The following MME variants were observed in gnomAD, a reference collection of about 807,000 sequenced individuals.
MME encodes membrane metalloendopeptidase.
In MME, 98 loss-of-function variants were observed where a neutral mutation model predicts 113.2. The observed-to-expected ratio is 0.87, with a 90% confidence interval of 0.74 to 1.02. The LOEUF (loss-of-function observed/expected upper bound fraction) is 1.02. Ranked by LOEUF, MME falls within the 50% of genes least tolerant of loss-of-function variation. The pLI is 0.00. For missense variants in MME, 836 were observed against 896.0 expected (o/e 0.93, Z 0.86); for synonymous variants, 292 against 300.6 (o/e 0.97, Z 0.30).
At chr3:155,094,977 A>G (rs1716615990) in intron 3 of MME, among the ~76,000 whole-genome samples, 1 of 152,246 alleles carries the variant, frequency 6.6e-6, no homozygotes, top group Admixed American at 6.5e-5. Context: ...GCTCCGCCTC[A>G]GACCTACTGA....
chr3:155,123,424 A>G (rs1163113949), intron 8 of MME, among the ~76,000 whole-genome samples: 4 of 87,256 alleles, frequency 4.6e-5, no homozygotes, highest in Admixed American at 1.3e-4. Context: ...TTACATTTAA[A>G]GTTAATATTG....
chr3:155,032,396 AAAGAC>A (rs1713000654), intron 1 of MME, among the ~76,000 whole-genome samples: 1 of 152,252 alleles, frequency 6.6e-6, no homozygotes, highest in Non-Finnish European at 1.5e-5. Flanking sequence ...CTCTAACAAG[AAAGAC>A]ATTCAAAACC....
At chr3:155,052,812 C>A (rs1713805656) in intron 1 of MME, among the ~76,000 whole-genome samples, 1 of 152,226 alleles carries the variant, frequency 6.6e-6, no homozygotes, top group South Asian at 2.1e-4. Flanking sequence ...ATTTCTCCCC[C>A]AGAAAATGGG....
upstream of MME, among the ~76,000 whole-genome samples, chr3:155,075,908 T>A (rs1002097802): frequency 6.6e-6 from 1 of 152,222 alleles, no homozygotes; most frequent in African/African-American, 2.4e-5. Context: ...ATCTTTTTTA[T>A]CACCATTCTT....
chr3:155,180,727 G>A lies in MME; in HGVS notation c.*268G>A, dbSNP rs201784613. ...AAAGATAATATTACTGTTTATTTCT[G>A]TTTCTCATATGGTCTACCAGTTTGC... On this transcript the variant is annotated 3_prime_UTR_variant, in exon 23 of 23. Transcript: ENST00000360490. 8 of 404,976 alleles carry A rather than the reference G, an allele frequency of 2.0e-5. No individual in the cohort carries two copies. Among genetic ancestry groups the A allele is most frequent in the Non-Finnish European group, 3.7e-5 (8 of 214,782 alleles). 25.1% of individuals were successfully genotyped at this position (404,976 alleles called of 1,614,324 possible).
intron 3 of MME, chr3:155,090,468 A>G (rs961590374): frequency 1.3e-5 from 2 of 152,180 alleles, no homozygotes; most frequent in African/African-American, 4.8e-5. Context: ...GACAAAGATT[A>G]ATAACAATAA....
rs576305566 is a variant in MME at position 155,167,564 on chromosome 3, G to A, written c.1780+543G>A. Among the ~76,000 whole-genome samples the A allele has an allele frequency of 3.2e-4, 49 of 151,984 alleles. No homozygotes were observed. The South Asian group carries it at 9.7e-3, about 30-fold the overall frequency. ...TTCAATCAAAGCTGAATTCCTGAGAGGAATAAAGACGTGAAATATGTAAAG... is the reference window on the plus strand; with the variant it reads ...TTCAATCAAAGCTGAATTCCTGAGAAGAATAAAGACGTGAAATATGTAAAG... On this transcript the variant is annotated intron_variant, in intron 18 of 22. Transcript: ENST00000360490.
intron 1 of MME, among the ~76,000 whole-genome samples, chr3:155,082,756 G>A (rs1025140385): frequency 6.6e-6 from 1 of 152,118 alleles, no homozygotes; most frequent in African/African-American, 2.4e-5. Context: ...GTCTAGCTGT[G>A]GTTCGCTTAT....
intron 17 of MME, among the ~76,000 whole-genome samples, chr3:155,165,362 A>T (rs1386495514): frequency 2.6e-5 from 4 of 152,180 alleles, no homozygotes; most frequent in African/African-American, 9.7e-5. Flanking sequence ...AGTATTTAAG[A>T]CACATTATTA....
intron 1 of MME, among the ~76,000 whole-genome samples, chr3:155,048,310 A>G (rs911236032): frequency 3.9e-5 from 6 of 152,210 alleles, no homozygotes; most frequent in African/African-American, 1.4e-4. Flanking sequence ...GGAAAAATCA[A>G]TTAACAAATA....
At position 155,182,374 on chromosome 3, in the gene MME, T is replaced by C. The variant is rs998194364; in HGVS notation, c.*1915T>C. The C allele has an allele frequency of 6.6e-6, 1 of 152,232 alleles. No individual in the cohort carries two copies. Among genetic ancestry groups the C allele is most frequent in the Admixed American group, 6.5e-5 (1 of 15,272 alleles). 9.4% of individuals were successfully genotyped at this position (152,232 alleles called of 1,614,324 possible). On this transcript the variant is annotated 3_prime_UTR_variant, in exon 23 of 23. Coordinates refer to ENST00000360490, the MANE Select transcript of MME (RefSeq NM_007289.4). The stretch of plus-strand genomic sequence containing the variant: ...ATTACAAATAGTGCAACTATGAATG[T>C]ACTGCATGTTACCATCTTACTTGAG...
At chr3:155,101,194 A>G (rs1199388379) in intron 3 of MME, among the ~76,000 whole-genome samples, 1 of 152,098 alleles carries the variant, frequency 6.6e-6, no homozygotes, top group African/African-American at 2.4e-5. Context: ...TGCTGGTGTT[A>G]TGCTTCCTGT....
At chr3:155,116,596 AT>A in intron 5 of MME, 37 bp downstream of exon 5, 1 of 1,433,764 alleles carries the variant, frequency 7.0e-7, no homozygotes, top group Non-Finnish European at 9.7e-7. Context: ...AGGAGTATAT[AT>A]ATATATATAT....
At chr3:155,174,764 A>T (rs549068524) in intron 22 of MME, among the ~76,000 whole-genome samples, 192 of 152,192 alleles carry the variant, frequency 1.3e-3, no homozygotes, top group African/African-American at 4.5e-3. Context: ...AGCTTTATTT[A>T]TGTACTTTAA....
intron 1 of MME, among the ~76,000 whole-genome samples, chr3:155,056,448 G>A (rs935458554): frequency 1.4e-4 from 20 of 147,866 alleles, no homozygotes; most frequent in African/African-American, 1.0e-4. Context: ...TTGTTCTTGC[G>A]ATAGTTTACT....
chr3:155,031,439 A>G (rs1306202673), intron 1 of MME, among the ~76,000 whole-genome samples: 1 of 152,052 alleles, frequency 6.6e-6, no homozygotes, highest in Admixed American at 6.6e-5. Flanking sequence ...AAGCAGAAAG[A>G]GGTAAGTTCA....
intron 8 of MME, among the ~76,000 whole-genome samples, chr3:155,135,367 C>A (rs75535041): frequency 0.092 from 13,620 of 148,344 alleles, 747 homozygotes; most frequent in Middle Eastern, 0.14. Context: ...TAGCCAGTTA[C>A]CCTAGCACCA....
At chr3:155,130,826 G>T (rs1720090305) in intron 8 of MME, among the ~76,000 whole-genome samples, 1 of 151,186 alleles carries the variant, frequency 6.6e-6, no homozygotes, top group African/African-American at 2.4e-5. Context: ...GGAAGTGAGA[G>T]AAACTTAATA....
At chr3:155,113,139 G>C (rs1236192695) in intron 3 of MME, among the ~76,000 whole-genome samples, 1 of 152,146 alleles carries the variant, frequency 6.6e-6, no homozygotes, top group Non-Finnish European at 1.5e-5. Context: ...AAAGACACAG[G>C]ACTAAGAAAA....
Sources: gnomAD v4.1 joint callset for allele counts (sites outside exome capture counted in the v4.1 genomes callset) on GRCh38, gnomAD v4.1.1 for gene constraint, MANE v1.5 for transcripts, NCBI Gene and HGNC (gene_info 2026-07-23, HGNC 2026-07-21) for gene names.